Variants in HERC1 observed in about 807,000 individuals in gnomAD.
HERC1 encodes the protein probable E3 ubiquitin-protein ligase HERC1.
HERC1 carries 160 observed loss-of-function variants against 554.3 expected under a neutral mutation model. That is an observed-to-expected ratio of 0.29 (90% CI 0.25 to 0.33). The LOEUF is 0.33. HERC1 is among the 10% of genes least tolerant of loss of function. HERC1 has a pLI of 1.00. For missense variants in HERC1, 4,919 were observed against 5,918.5 expected, an observed-to-expected ratio of 0.83 and a Z score of 5.54; for synonymous variants, 2,175 against 2,131.7, an observed-to-expected ratio of 1.02 and a Z score of -0.56.
At position 63,677,424 on chromosome 15, in the gene HERC1, G is replaced by A. The variant is rs1161815471; in HGVS notation, c.7070+421C>T. Among the ~76,000 whole-genome samples, 3 of 152,154 alleles carry A rather than the reference G, an allele frequency of 2.0e-5. No homozygotes were observed. The highest frequency in any genetic ancestry group is 4.4e-5 in the Non-Finnish European group (3 of 68,024). On this transcript the variant is annotated intron_variant, in intron 37 of 77. Coordinates refer to ENST00000443617, the MANE Select transcript of HERC1 (RefSeq NM_003922.4). This position sits in a 1 kb window ranked among gnomAD's most constrained non-coding sequence, Gnocchi z 4.4. ...ATAATGCAAAGCCTAATTTCAGTCCGTCAAACGTTCATATCCAATATTCAG... is the reference window on the plus strand; with the variant it reads ...ATAATGCAAAGCCTAATTTCAGTCCATCAAACGTTCATATCCAATATTCAG...
chr15:63,821,135 G>T (rs948159003), intron 1 of HERC1, among the ~76,000 whole-genome samples: 2 of 152,104 alleles, frequency 1.3e-5, no homozygotes, highest in African/African-American at 2.4e-5. Context: ...AGAATTACTT[G>T]AACTAGCCAG....
chr15:63,674,379 C>T lies in HERC1; in HGVS notation c.7809G>A (p.Gly2603=). 6.2e-7 allele frequency: 1 copy of T among 1,613,198 alleles called. No homozygotes were observed. The change falls in exon 38 of 78, where the codon GGG becomes GGA. Residue 2603 remains glycine (G), a synonymous_variant. Transcript: ENST00000443617. ...TGCCCCCAAACTGGTCTTCCAAAAG[C>T]CCATGAACCACTAATTTATAGATCA... ...QAMIYKLVVH[G]LLEDQFGGKI... is the part of the protein sequence containing the mutation.
At position 63,674,723 on chromosome 15, in the gene HERC1, G is replaced by A. The variant is rs1469725882; in HGVS notation, c.7465C>T (p.His2489Tyr). ...TCATGGTTTTTGGACATGTGTTCAT[G>A]ATTTTTTCTTTTCCCTTCTGTTATT... is the stretch of plus-strand genomic sequence containing the variant. ...HQITEGKRKNHEHMSKNHDVA... is the reference protein window; with the variant it reads ...HQITEGKRKNYEHMSKNHDVA... Residue 2489 changes from histidine to tyrosine, a missense_variant, in exon 38 of 78, where the codon CAT becomes TAT. His to Tyr is a moderately conservative substitution (Grantham distance 83). Transcript: ENST00000443617. The A allele has an allele frequency of 1.5e-5, 24 of 1,613,732 alleles. No individual in the cohort carries two copies. Among genetic ancestry groups the A allele is most frequent in the Non-Finnish European group, 2.0e-5 (24 of 1,179,806 alleles).
Position 63,692,294 on chromosome 15 carries a change from G to A in HERC1, c.5830+117C>T. 1.3e-6 allele frequency: 1 copy of A among 754,448 alleles called. No individual in the cohort carries two copies. The highest frequency in any genetic ancestry group is 3.1e-5 in the South Asian group (1 of 31,976). The allele number at this position is 754,448 out of a possible 1,614,324, so 46.7% of individuals were successfully genotyped here. ...GATCAAATAGGTACGCAGAAAATAAGAAAGAAAAGCCTTCAAATCAAGGTT... is the reference window on the plus strand; with the variant it reads ...GATCAAATAGGTACGCAGAAAATAAAAAAGAAAAGCCTTCAAATCAAGGTT... On this transcript the variant is annotated intron_variant, in intron 31 of 77. Transcript: ENST00000443617. The surrounding 1 kb of genome is among the most constrained non-coding windows in gnomAD (Gnocchi z 4.7).
intron 1 of HERC1, among the ~76,000 whole-genome samples, chr15:63,806,703 A>G (rs2077149826): frequency 6.6e-6 from 1 of 152,224 alleles, no homozygotes. Flanking sequence ...TGGGGGCTAT[A>G]AGGATAAATC....
rs753552985 is a variant in HERC1, at chr15:63,698,899, T to A, written c.4734A>T (p.Ser1578=). The change falls in exon 26 of 78, where the codon TCA becomes TCT. Residue 1578 remains serine, a synonymous_variant. Coordinates refer to ENST00000443617, the MANE Select transcript of HERC1 (RefSeq NM_003922.4). ...CCAAAGACTTGGTAAGATCAAAATCTGACTCAAAGGAATAGGAGGAGTTGC... is the reference window on the plus strand; with the variant it reads ...CCAAAGACTTGGTAAGATCAAAATCAGACTCAAAGGAATAGGAGGAGTTGC... The part of the protein sequence containing the change: ...WLCNSSYSFE[S]DFDLTKSLGV... 1 of 1,613,966 alleles carries A rather than the reference T, an allele frequency of 6.2e-7. No individual in the cohort carries two copies.
At chr15:63,698,178 G>A (rs2072530539) in intron 26 of HERC1, among the ~76,000 whole-genome samples, 1 of 152,130 alleles carries the variant, frequency 6.6e-6, no homozygotes, top group Admixed American at 6.5e-5. Flanking sequence ...CACTTTGGGA[G>A]GCCGAGGCAA....
chr15:63,829,499 T>TAC lies in HERC1; in HGVS notation c.-27+4326_-27+4327dup, dbSNP rs59580148. ...ATATAAATATATATATATATATATA[T>TAC]ACACACACACACATATATAAATAAT... is the stretch of plus-strand genomic sequence containing the variant. On this transcript the variant is annotated intron_variant, in intron 1 of 77. Coordinates refer to ENST00000443617, the MANE Select transcript of HERC1 (RefSeq NM_003922.4). Among the ~76,000 whole-genome samples the TAC allele has an allele frequency of 5.0e-3, 265 of 53,358 alleles. 2 individuals are homozygous for TAC. The highest frequency in any genetic ancestry group is 0.014 in the African/African-American group (245 of 17,098). The allele number at this position is 53,358 out of a possible 152,430, so 35.0% of individuals were successfully genotyped here.
At chr15:63,742,294 T>C (rs2074843121) in intron 12 of HERC1, among the ~76,000 whole-genome samples, 1 of 152,220 alleles carries the variant, frequency 6.6e-6, no homozygotes, top group African/African-American at 2.4e-5. Flanking sequence ...TTGTACATTG[T>C]TGGTGTATAG....
chr15:63,623,494 T>C (rs112973474), intron 73 of HERC1, among the ~76,000 whole-genome samples: 4 of 152,236 alleles, frequency 2.6e-5, no homozygotes, highest in Non-Finnish European at 5.9e-5. Context: ...TGGTGAGTCA[T>C]TGGTAGATGC....
rs150625374 is a variant in HERC1, at chr15:63,724,526, C to A, written c.3568+766G>T. ...TTGTTTTGTTTTTTCTTTTCTTTTC[C>A]GCTCTCCTTCTTTCCTCTCAGTCTC... On this transcript the variant is annotated intron_variant, in intron 18 of 77. Transcript: ENST00000443617. Among the ~76,000 whole-genome samples the A allele has an allele frequency of 7.4e-3, 1,128 of 152,170 alleles. 15 individuals carry two copies. The highest frequency in any genetic ancestry group is 0.026 in the African/African-American group (1,086 of 41,502).
At chr15:63,783,696 T>C (rs1408105014) in intron 1 of HERC1, among the ~76,000 whole-genome samples, 2 of 152,152 alleles carry the variant, frequency 1.3e-5, no homozygotes, top group African/African-American at 4.8e-5. Context: ...AAACCACCAG[T>C]CCTTAAATCT....
chr15:63,665,204 G>T (rs2070559050), intron 42 of HERC1, among the ~76,000 whole-genome samples: 1 of 152,142 alleles, frequency 6.6e-6, no homozygotes, highest in African/African-American at 2.4e-5. Flanking sequence ...CTATAGAAGA[G>T]ATGAAAATAT....
intron 52 of HERC1, 97 bp from the exon 53 acceptor site, chr15:63,651,477 T>G: frequency 1.8e-6 from 2 of 1,122,616 alleles, no homozygotes; most frequent in Non-Finnish European, 2.5e-6. Context: ...TAGACTAGAG[T>G]GTATAACTGA....
chr15:63,671,470 C>T (rs1176939216), intron 39 of HERC1, among the ~76,000 whole-genome samples: 4 of 152,018 alleles, frequency 2.6e-5, no homozygotes, highest in Non-Finnish European at 5.9e-5. Flanking sequence ...ACTATTATTC[C>T]AGTAAGAGAG....
chr15:63,692,370 A>G lies in HERC1; in HGVS notation c.5830+41T>C. On this transcript the variant is annotated intron_variant, in intron 31 of 77. Transcript: ENST00000443617. The surrounding 1 kb of genome is among the most constrained non-coding windows in gnomAD (Gnocchi z 4.7). ...GCATTATCTTAATAAAATGCAAGTA[A>G]TATCTATAAATACTCTAAGACAAAG... 2 of 1,451,826 alleles carry G rather than the reference A, an allele frequency of 1.4e-6. No individual in the cohort carries two copies. The highest frequency in any genetic ancestry group is 1.9e-4 in the Middle Eastern group (1 of 5,326). 89.9% of individuals were successfully genotyped at this position (1,451,826 alleles called of 1,614,324 possible). A position where few individuals can be genotyped will look rare whatever the true frequency, so the allele number is the denominator to read the frequency against.
Position 63,718,121 on chromosome 15 carries a change from C to CACATACAT in HERC1, c.3978+452_3978+453insATGTATGT, listed in dbSNP as rs140819055. ...ACACACACACACACACACACACACA[C>CACATACAT]ACAACCCCCTCCTTGGTTTTCACTT... On this transcript the variant is annotated intron_variant, in intron 21 of 77. Transcript: ENST00000443617. This position sits in a 1 kb window ranked among gnomAD's most constrained non-coding sequence, Gnocchi z 4.2. Among the ~76,000 whole-genome samples the CACATACAT allele has an allele frequency of 7.7e-5, 11 of 142,970 alleles. No individual in the cohort carries two copies. Among genetic ancestry groups the CACATACAT allele is most frequent in the Non-Finnish European group, 1.5e-4 (10 of 65,130 alleles). 93.8% of individuals were successfully genotyped at this position (142,970 alleles called of 152,430 possible). A position where few individuals can be genotyped will look rare whatever the true frequency, so the allele number is the denominator to read the frequency against.
chr15:63,767,018 T>C (rs1248480493), intron 2 of HERC1, among the ~76,000 whole-genome samples: 3 of 151,192 alleles, frequency 2.0e-5, no homozygotes, highest in Non-Finnish European at 4.4e-5. Context: ...TTTTTTTTTT[T>C]TGAAATGGAG....
rs777515838 is a variant in HERC1 at position 63,674,412 on chromosome 15, C to T, written c.7776G>A (p.Ala2592=). The change falls in exon 38 of 78, where the codon GCG becomes GCA. Residue 2592 remains alanine (A), a synonymous_variant. Coordinates refer to ENST00000443617, the MANE Select transcript of HERC1 (RefSeq NM_003922.4). ...RALGLADLER[A]QAMIYKLVVH... is the part of the protein sequence containing the mutation. ...CCACTAATTTATAGATCATGGCTTG[C>T]GCTCGTTCCAGATCAGCTAATCCCA... is the stretch of plus-strand genomic sequence containing the variant. 111 of 1,613,438 alleles carry T rather than the reference C, an allele frequency of 6.9e-5. No individual in the cohort carries two copies. The highest frequency in any genetic ancestry group is 6.2e-4 in the East Asian group (28 of 44,862).
Sources: allele counts gnomAD v4.1 joint callset (sites outside exome capture counted in the v4.1 genomes callset), GRCh38; gene constraint gnomAD v4.1.1; non-coding constraint Gnocchi (gnomAD v3.1); transcripts MANE v1.5; gene names NCBI Gene and HGNC (gene_info 2026-07-23, HGNC 2026-07-21).